The following TFRC variants were observed in gnomAD, a reference collection of about 807,000 sequenced individuals.
TFRC encodes the protein transferrin receptor protein 1.
In TFRC, 35 loss-of-function variants were observed where a neutral mutation model predicts 85.8. The ratio of observed to expected loss-of-function variants is 0.41; its 90% CI spans 0.31 to 0.54. The LOEUF is 0.54. TFRC is among the 20% of genes least tolerant of loss of function. The pLI is 0.31. For missense variants in TFRC, 828 were observed against 921.5 expected (o/e 0.90, Z 1.31); for synonymous variants, 362 against 328.6 (o/e 1.10, Z -1.10).
At chr3:196,066,156 CTT>C (rs1717726867) in intron 9 of TFRC, among the ~76,000 whole-genome samples, 1 of 152,138 alleles carries the variant, frequency 6.6e-6, no homozygotes, top group African/African-American at 2.4e-5. Context: ...GCCAGACATA[CTT>C]ACGTAGTTTA....
intron 18 of TFRC, 33 bp downstream of exon 18, chr3:196,053,385 C>CT: frequency 6.2e-7 from 1 of 1,613,156 alleles, no homozygotes; most frequent in Non-Finnish European, 8.5e-7. Context: ...TTTACACATA[C>CT]TTTAGTTCCT....
intron 3 of TFRC, among the ~76,000 whole-genome samples, chr3:196,074,910 G>A (rs1324644614): frequency 6.6e-6 from 1 of 150,838 alleles, no homozygotes; most frequent in Admixed American, 6.6e-5. Flanking sequence ...AGCCAGGTGT[G>A]GTCGTGGGCG....
rs991963105 is a variant in TFRC, at chr3:196,051,337, G to A, written c.*605C>T. ...AATGACACTGAGGTTAACATATTAA[G>A]GCCTTATTCCTGCAATCAACAGTTG... On this transcript the variant is annotated 3_prime_UTR_variant, in exon 19 of 19. Transcript: ENST00000360110. 4.5e-6 allele frequency: 1 copy of A among 220,172 alleles called. No homozygotes were observed. Among genetic ancestry groups the A allele is most frequent in the Admixed American group, 5.8e-5 (1 of 17,296 alleles). 13.6% of individuals were successfully genotyped at this position (220,172 alleles called of 1,614,324 possible). A position where few individuals can be genotyped will look rare whatever the true frequency, so the allele number is the denominator to read the frequency against.
intron 18 of TFRC, among the ~76,000 whole-genome samples, chr3:196,052,722 T>C (rs1382052357): frequency 6.6e-6 from 1 of 152,000 alleles, no homozygotes; most frequent in African/African-American, 2.4e-5. Flanking sequence ...ATTACAGGCA[T>C]GAGCCACTGT....
chr3:196,076,734 C>T (rs1324614452), intron 2 of TFRC, among the ~76,000 whole-genome samples: 1 of 152,036 alleles, frequency 6.6e-6, no homozygotes, highest in Non-Finnish European at 1.5e-5. Flanking sequence ...GCTGGGATTA[C>T]AGGCGTGAGC....
chr3:196,076,189 AG>A (rs1307110604), intron 2 of TFRC, among the ~76,000 whole-genome samples: 1 of 152,186 alleles, frequency 6.6e-6, no homozygotes, highest in East Asian at 1.9e-4. Context: ...CAAATAAGAG[AG>A]AATTGAGGTC....
intron 11 of TFRC, chr3:196,063,209 A>G (rs1717434329): frequency 3.2e-6 from 1 of 309,062 alleles, no homozygotes; most frequent in African/African-American, 2.2e-5. Flanking sequence ...AGTACATAGC[A>G]GGGGCCAGTA....
chr3:196,077,612 CGTGGTG>C, intron 1 of TFRC, among the ~76,000 whole-genome samples: 1 of 152,074 alleles, frequency 6.6e-6, no homozygotes, highest in South Asian at 2.1e-4. Flanking sequence ...ATTAGCCGGA[CGTGGTG>C]GTGGGCGCCT....
In TFRC at chr3:196,073,048, A is replaced by ACAAACAAAC. The variant is rs768480154; in HGVS notation, c.434+881_434+882insGTTTGTTTG. Among the ~76,000 whole-genome samples, 85 of 60,354 alleles carry ACAAACAAAC rather than the reference A, an allele frequency of 1.4e-3. 1 individual carries two copies. The highest frequency in any genetic ancestry group is 0.011 in the Middle Eastern group (1 of 92). The allele number at this position is 60,354 out of a possible 152,430, so 39.6% of individuals were successfully genotyped here. A position where few individuals can be genotyped will look rare whatever the true frequency, so the allele number is the denominator to read the frequency against. ...AATCCCGTTTCTGCAAAAAAAAAAAAAAAAAAAAAAAACCCACAAAAATTA... is the reference window on the plus strand; with the variant it reads ...AATCCCGTTTCTGCAAAAAAAAAAAACAAACAAACAAAAAAAAAAAACCCACAAAAATTA... On this transcript the variant is annotated intron_variant, in intron 4 of 18. Coordinates refer to ENST00000360110, the MANE Select transcript of TFRC (RefSeq NM_001128148.3).
intron 6 of TFRC, among the ~76,000 whole-genome samples, chr3:196,070,807 T>TAATAATAATAATAAA (rs978226944): frequency 0.025 from 3,654 of 144,320 alleles, 73 homozygotes; most frequent in South Asian, 0.08. Context: ...ATAATAATAA[T>TAATAATAATAATAAA]AAAATAAAAA....
intron 10 of TFRC, 26 bp downstream of exon 10, chr3:196,065,417 C>CGGGGGTGG: frequency 2.7e-6 from 1 of 371,446 alleles, no homozygotes; most frequent in Non-Finnish European, 3.6e-6. Context: ...AAAAGCGGGG[C>CGGGGGTGG]GGGGGGGGGG....
In TFRC at chr3:196,051,881, TC is replaced by T; in HGVS notation, c.*60del. 6.4e-7 allele frequency: 1 copy of T among 1,566,296 alleles called. No individual in the cohort carries two copies. The highest frequency in any genetic ancestry group is 8.6e-7 in the Non-Finnish European group (1 of 1,156,498). On this transcript the variant is annotated 3_prime_UTR_variant, in exon 19 of 19. Coordinates refer to ENST00000360110, the MANE Select transcript of TFRC (RefSeq NM_001128148.3). ...TAGCCCTACTGAAAATTTAGCACGA[TC>T]AGCACAAGTCTAGAAACCAGACTAC...
At chr3:196,059,612 TTA>T (rs1717101661) in intron 14 of TFRC, among the ~76,000 whole-genome samples, 1 of 151,750 alleles carries the variant, frequency 6.6e-6, no homozygotes, top group African/African-American at 2.4e-5. Flanking sequence ...ATTTATTTAT[TTA>T]TTTTTTTTTT....
intron 7 of TFRC, among the ~76,000 whole-genome samples, chr3:196,069,091 C>G (rs969457386): frequency 2.0e-5 from 3 of 152,150 alleles, no homozygotes; most frequent in Non-Finnish European, 4.4e-5. Context: ...GTTGGGATTA[C>G]AGGTGTGAGC....
At chr3:196,075,446 A>G (rs1230399098) in intron 2 of TFRC, 86 bp from the exon 3 acceptor site, 1 of 1,313,022 alleles carries the variant, frequency 7.6e-7, no homozygotes, top group Non-Finnish European at 1.1e-6. Flanking sequence ...TTATTGGGCC[A>G]TTACTATAAC....
chr3:196,072,512 T>C (rs560753776), intron 4 of TFRC, among the ~76,000 whole-genome samples: 1 of 152,302 alleles, frequency 6.6e-6, no homozygotes, highest in African/African-American at 2.4e-5. Flanking sequence ...TCTCACCTAC[T>C]TGTGAAGCAT....
intron 3 of TFRC, 83 bp downstream of exon 3, chr3:196,075,076 A>AAAT: frequency 7.4e-6 from 9 of 1,217,248 alleles, no homozygotes; most frequent in South Asian, 4.2e-5. Context: ...ATAAGGTACA[A>AAAT]AATAACTATA....
In TFRC at chr3:196,071,363, G is replaced by C. The variant is rs897119990; in HGVS notation, c.687+33C>G. The C allele has an allele frequency of 5.2e-6, 8 of 1,533,808 alleles. No homozygotes were observed. The South Asian group carries it at 6.7e-5, about 13-fold the overall frequency. Reference sequence around the variant, plus strand: ...GATGAGTTTTGAATGATTCAATAGGGAAGAGTCTCATGCACTGTTTTGCTT... The same window carrying C: ...GATGAGTTTTGAATGATTCAATAGGCAAGAGTCTCATGCACTGTTTTGCTT... On this transcript the variant is annotated intron_variant, in intron 6 of 18. Coordinates refer to ENST00000360110, the MANE Select transcript of TFRC (RefSeq NM_001128148.3).
chr3:196,071,226 T>G (rs3761716), intron 6 of TFRC, among the ~76,000 whole-genome samples, 170 bp downstream of exon 6: 11,674 of 152,176 alleles, frequency 0.077, 569 homozygotes, highest in East Asian at 0.17. Context: ...GGGAAAGTGA[T>G]TAGAGAGAGA....
Sources: allele counts gnomAD v4.1 joint callset (sites outside exome capture counted in the v4.1 genomes callset), GRCh38; gene constraint gnomAD v4.1.1; transcripts MANE v1.5; gene names NCBI Gene and HGNC (gene_info 2026-07-23, HGNC 2026-07-21).